RSRC1: variants seen among roughly 807,000 people sequenced by gnomAD.
RSRC1 encodes arginine and serine rich coiled-coil 1, also known as serine/Arginine-related protein 53.
Under a neutral mutation model 49.1 loss-of-function variants are expected in RSRC1, and 39 were observed. The ratio of observed to expected loss-of-function variants is 0.79; its 90% CI spans 0.61 to 1.04. RSRC1 has a LOEUF of 1.04. RSRC1 is among the 50% of genes least tolerant of loss of function. RSRC1 has a pLI of 0.00. For missense variants in RSRC1, 388 were observed against 402.4 expected (o/e 0.96, Z 0.31); for synonymous variants, 143 against 130.8 (o/e 1.09, Z -0.63).
rs1731302614 is a variant in RSRC1, at chr3:158,358,773, A to G, written c.583+3865A>G. ...GTTTCTCCCCAGTTTCCTTTCCCCC[A>G]AGCCCTTGACAACCACCATTCTCCC... On this transcript the variant is annotated intron_variant, in intron 6 of 9. Coordinates refer to ENST00000611884, the MANE Select transcript of RSRC1 (RefSeq NM_001271838.2). Among the ~76,000 whole-genome samples, 7 of 152,080 alleles carry G rather than the reference A, an allele frequency of 4.6e-5. No individual in the cohort carries two copies. In the South Asian group the frequency reaches 1.5e-3, roughly 32 times the overall value.
rs556026941 is a variant in RSRC1 at position 158,177,648 on chromosome 3, T to TG, written c.321-25418dup. Among the ~76,000 whole-genome samples, 4 of 148,544 alleles carry TG rather than the reference T, an allele frequency of 2.7e-5. No homozygotes were observed. The East Asian group carries it at 7.9e-4, about 29-fold the overall frequency. On this transcript the variant is annotated intron_variant, in intron 3 of 9. Coordinates refer to ENST00000611884, the MANE Select transcript of RSRC1 (RefSeq NM_001271838.2). Reference sequence around the variant, plus strand: ...TCACACACCAGGGCCTGTCAGAGTGTGGGGGGCTGGGAGAGGGATAGCATT... The same window carrying TG: ...TCACACACCAGGGCCTGTCAGAGTGTGGGGGGGCTGGGAGAGGGATAGCATT...
rs541036653 is a variant in RSRC1, at chr3:158,118,615, TCTG to T, written c.-2-3487_-2-3485del. 1.9e-4 allele frequency among the ~76,000 whole-genome samples: 29 copies of T among 152,348 alleles called. No individual in the cohort carries two copies. In the East Asian group the frequency reaches 5.4e-3, roughly 28 times the overall value. On this transcript the variant is annotated intron_variant, in intron 1 of 9. Coordinates refer to ENST00000611884, the MANE Select transcript of RSRC1 (RefSeq NM_001271838.2). ...GTTATTTTTGTTCTTGAAGTTTTCTTCTGTATGTTCTGGTTTACTATCATTTGC... is the reference window on the plus strand; with the variant it reads ...GTTATTTTTGTTCTTGAAGTTTTCTTTATGTTCTGGTTTACTATCATTTGC...
intron 6 of RSRC1, among the ~76,000 whole-genome samples, chr3:158,427,457 A>G (rs1735511965): frequency 6.6e-6 from 1 of 151,738 alleles, no homozygotes; most frequent in Non-Finnish European, 1.5e-5. Flanking sequence ...CATAAAAATA[A>G]TCCTAAAGTT....
intron 3 of RSRC1, among the ~76,000 whole-genome samples, chr3:158,171,916 C>T (rs1718902342): frequency 6.6e-6 from 1 of 152,020 alleles, no homozygotes; most frequent in Non-Finnish European, 1.5e-5. Flanking sequence ...CATCCCACTG[C>T]ACTCCAGCCT....
At chr3:158,265,665 G>C (rs1390816738) in intron 4 of RSRC1, among the ~76,000 whole-genome samples, 1 of 151,924 alleles carries the variant, frequency 6.6e-6, no homozygotes, top group Non-Finnish European at 1.5e-5. Flanking sequence ...TCTTAAATAT[G>C]CTTTTTGAGG....
intron 3 of RSRC1, among the ~76,000 whole-genome samples, chr3:158,194,922 A>C (rs1378979097): frequency 1.3e-5 from 2 of 152,110 alleles, no homozygotes; most frequent in African/African-American, 4.8e-5. Context: ...ATAGGTTCCA[A>C]GTCTTTGCTA....
chr3:158,182,471 A>G (rs1719678689), intron 3 of RSRC1, among the ~76,000 whole-genome samples: 1 of 152,290 alleles, frequency 6.6e-6, no homozygotes, highest in Middle Eastern at 3.4e-3. Flanking sequence ...AGAACTTTCA[A>G]GGATTTCAAG....
At chr3:158,439,759 C>G (rs1207990942) in intron 6 of RSRC1, among the ~76,000 whole-genome samples, 1 of 152,092 alleles carries the variant, frequency 6.6e-6, no homozygotes, top group African/African-American at 2.4e-5. Flanking sequence ...CACATGTATA[C>G]CTATGTAACA....
At chr3:158,243,913 G>T (rs1391394461) in intron 4 of RSRC1, among the ~76,000 whole-genome samples, 1 of 146,078 alleles carries the variant, frequency 6.8e-6, no homozygotes, top group African/African-American at 2.5e-5. Context: ...CTTTGCTGAA[G>T]TTTCTTATCA....
chr3:158,409,696 A>G (rs1051440261), intron 6 of RSRC1, among the ~76,000 whole-genome samples: 36 of 150,982 alleles, frequency 2.4e-4, no homozygotes, highest in African/African-American at 7.6e-4. Flanking sequence ...TATTATCACC[A>G]AAGAGAGTTT....
intron 4 of RSRC1, among the ~76,000 whole-genome samples, chr3:158,223,063 A>G (rs770819503): frequency 4.0e-5 from 6 of 151,620 alleles, no homozygotes; most frequent in Non-Finnish European, 7.4e-5. Context: ...TTGTCAAGTG[A>G]CTTCTATTCT....
chr3:158,442,627 C>T (rs1451756563), intron 6 of RSRC1, among the ~76,000 whole-genome samples: 1 of 152,054 alleles, frequency 6.6e-6, no homozygotes, highest in African/African-American at 2.4e-5. Flanking sequence ...TTCTTCCAAA[C>T]CCCTGTTAAT....
At chr3:158,265,872 TATG>T (rs1301410262) in intron 4 of RSRC1, among the ~76,000 whole-genome samples, 1 of 152,184 alleles carries the variant, frequency 6.6e-6, no homozygotes, top group East Asian at 1.9e-4. Flanking sequence ...CATTTTGACT[TATG>T]ATGTGAGGTA....
chr3:158,155,619 T>G (rs1315021988), intron 3 of RSRC1, among the ~76,000 whole-genome samples: 4 of 151,272 alleles, frequency 2.6e-5, no homozygotes, highest in Non-Finnish European at 4.4e-5. Flanking sequence ...TTTTTTGTAT[T>G]TTTTGTAGAG....
chr3:158,426,003 G>A (rs528447102), intron 6 of RSRC1, among the ~76,000 whole-genome samples: 4 of 151,648 alleles, frequency 2.6e-5, no homozygotes, highest in South Asian at 4.2e-4. Flanking sequence ...ACATGTATGA[G>A]GACTTGTTAT....
At chr3:158,276,265 A>T in intron 4 of RSRC1, 1 of 767,942 alleles carries the variant, frequency 1.3e-6, no homozygotes, top group Non-Finnish European at 2.4e-6. Context: ...TTGGCCTTGC[A>T]GCCCAGTCTG....
intron 4 of RSRC1, among the ~76,000 whole-genome samples, chr3:158,287,065 A>G (rs1032079603): frequency 6.6e-6 from 1 of 152,144 alleles, no homozygotes. Context: ...TGACCTCGTG[A>G]TCCACCTGTC....
intron 6 of RSRC1, among the ~76,000 whole-genome samples, chr3:158,398,279 T>A (rs540567978): frequency 2.0e-4 from 30 of 152,202 alleles, no homozygotes; most frequent in African/African-American, 6.5e-4. Flanking sequence ...TTTCTCACAG[T>A]TCCTGGAGGT....
intron 3 of RSRC1, among the ~76,000 whole-genome samples, chr3:158,165,867 A>G (rs1051373580): frequency 6.6e-6 from 1 of 152,184 alleles, no homozygotes; most frequent in Non-Finnish European, 1.5e-5. Context: ...ATTAGCTTAA[A>G]CAGTGTAGTA....
Sources: gnomAD v4.1 joint callset for allele counts (sites outside exome capture counted in the v4.1 genomes callset) on GRCh38, gnomAD v4.1.1 for gene constraint, MANE v1.5 for transcripts, NCBI Gene and HGNC (gene_info 2026-07-23, HGNC 2026-07-21) for gene names.